MLXIPL: variants seen among roughly 807,000 people sequenced by gnomAD.
MLXIPL encodes the protein MLX interacting protein like.
A neutral mutation model predicts 81.5 loss-of-function variants in MLXIPL; 49 were observed. The observed-to-expected ratio is 0.60, with a 90% CI of 0.48 to 0.76. The LOEUF is 0.76. Among genes scored for constraint, MLXIPL ranks in the 30% least tolerant of loss-of-function variants. The pLI is 0.00. For missense variants in MLXIPL, 1,053 were observed against 1,167.0 expected (o/e 0.90, Z 1.42); for synonymous variants, 466 against 485.5 (o/e 0.96, Z 0.53).
At chr7:73,642,987 C>T in the MLXIPL span, among the ~76,000 whole-genome samples, 1 of 152,216 alleles carries the variant, frequency 6.6e-6, no homozygotes, top group Admixed American at 6.6e-5. Context: ...CTCTTAATAG[C>T]TTTCAAAAGA....
intron 1 of MLXIPL, among the ~76,000 whole-genome samples, chr7:73,621,841 A>C (rs1482686862): frequency 1.0e-3 from 28 of 26,942 alleles, no homozygotes; most frequent in Admixed American, 1.9e-3. Flanking sequence ...CCCTCCCTCC[A>C]TCTCCCTCCC....
At chr7:73,613,673 G>A (rs1554600228) in intron 2 of MLXIPL, among the ~76,000 whole-genome samples, 1 of 152,202 alleles carries the variant, frequency 6.6e-6, no homozygotes, top group African/African-American at 2.4e-5. Context: ...GACTCCGGGA[G>A]GCTAGAGAAT....
chr7:73,597,786 C>T (rs1794474233), intron 8 of MLXIPL, 73 bp from the exon 9 acceptor site: 2 of 1,182,602 alleles, frequency 1.7e-6, no homozygotes, highest in Non-Finnish European at 1.1e-6. Context: ...TGGGCCTCCC[C>T]TGCCCTGCCT....
intron 2 of MLXIPL, among the ~76,000 whole-genome samples, chr7:73,614,933 G>C (rs1034262550): frequency 6.6e-6 from 1 of 150,836 alleles, no homozygotes; most frequent in African/African-American, 2.4e-5. Flanking sequence ...GCCTCAGCCT[G>C]CCGAGTAGCT....
At chr7:73,594,116 A>G in intron 16 of MLXIPL, 133 bp from the exon 17 acceptor site, 3 of 1,388,112 alleles carry the variant, frequency 2.2e-6, no homozygotes, top group Non-Finnish European at 3.0e-6. Context: ...CTCTGTCTAC[A>G]GGCGTCTGGT....
intron 3 of MLXIPL, 51 bp downstream of exon 3, chr7:73,607,539 T>G: frequency 6.3e-7 from 1 of 1,597,432 alleles, no homozygotes; most frequent in Non-Finnish European, 8.6e-7. Context: ...GGGGCTGGTC[T>G]TGGTGGGTGG....
chr7:73,633,597 G>A, the MLXIPL span, among the ~76,000 whole-genome samples: 2 of 152,116 alleles, frequency 1.3e-5, no homozygotes, highest in Non-Finnish European at 2.9e-5. Flanking sequence ...GGGATTACAG[G>A]TGGGAGCCAC....
the MLXIPL span, among the ~76,000 whole-genome samples, chr7:73,645,258 C>A: frequency 6.6e-6 from 1 of 152,156 alleles, no homozygotes; most frequent in East Asian, 1.9e-4. Context: ...GAACTCCTGG[C>A]CTCAAGCAAC....
chr7:73,634,685 G>T, the MLXIPL span, among the ~76,000 whole-genome samples: 3 of 151,946 alleles, frequency 2.0e-5, no homozygotes, highest in African/African-American at 7.3e-5. Flanking sequence ...GTGAGCCACT[G>T]TGCCTGGCCA....
intron 1 of MLXIPL, 63 bp downstream of exon 1, chr7:73,624,137 C>T: frequency 7.2e-7 from 1 of 1,387,138 alleles, no homozygotes; most frequent in Non-Finnish European, 9.7e-7. Flanking sequence ...GCAGTCCTGC[C>T]CCGGACCCCC....
chr7:73,625,874 G>A (rs1264011796), upstream of MLXIPL, among the ~76,000 whole-genome samples: 9 of 152,198 alleles, frequency 5.9e-5, no homozygotes, highest in African/African-American at 2.2e-4. Flanking sequence ...TGGTAGGGAT[G>A]GGTGGCTCAC....
rs1554592710 is a variant in MLXIPL at position 73,593,883 on chromosome 7, G to C, written c.2541C>G (p.Thr847=). The change falls in exon 17 of 17, where the codon ACC becomes ACG. Residue 847 remains threonine, a synonymous_variant. Coordinates refer to ENST00000313375, the MANE Select transcript of MLXIPL (RefSeq NM_032951.3). ...GCCAGGACTATAAAGGTTTGCCAAG[G>C]GTGCCCTCTGTGACTGCCCGTGTGG... ...EQATRAVTEG[T]LGKPL 1 of 1,614,094 alleles carries C rather than the reference G, an allele frequency of 6.2e-7. No individual in the cohort carries two copies. The highest frequency in any genetic ancestry group is 2.2e-5 in the East Asian group (1 of 44,874).
At chr7:73,607,550 G>A in intron 3 of MLXIPL, 40 bp downstream of exon 3, 1 of 1,597,910 alleles carries the variant, frequency 6.3e-7, no homozygotes. Context: ...TGGTGGGTGG[G>A]CAGGTGGGCA....
intron 1 of MLXIPL, among the ~76,000 whole-genome samples, chr7:73,622,305 A>G (rs1284766490): frequency 6.6e-6 from 1 of 151,976 alleles, no homozygotes; most frequent in Admixed American, 6.6e-5. Context: ...AGCCTGGCCA[A>G]CATGGTGAAA....
At chr7:73,607,944 C>T (rs553963966) in intron 2 of MLXIPL, among the ~76,000 whole-genome samples, 1 of 148,768 alleles carries the variant, frequency 6.7e-6, no homozygotes, top group African/African-American at 2.5e-5. Flanking sequence ...GCAACCTCCA[C>T]CTCCTGGGTT....
rs1554598139 is a variant in MLXIPL, at chr7:73,606,403, T to TTG, written c.619-293_619-292insCA. The TTG allele has an allele frequency of 6.5e-3, 3,293 of 503,768 alleles. 99 individuals are homozygous for TTG. The highest frequency in any genetic ancestry group is 0.06 in the African/African-American group (3,040 of 50,818). 31.2% of individuals were successfully genotyped at this position (503,768 alleles called of 1,614,324 possible). ...GTTCTTTGGTCCCTCTGGTTTTTTT[T>TTG]TTTGTTTGTTTTCTTTTTCTTTTTC... On this transcript the variant is annotated intron_variant, in intron 5 of 16. Coordinates refer to ENST00000313375, the MANE Select transcript of MLXIPL (RefSeq NM_032951.3).
At position 73,617,382 on chromosome 7, in the gene MLXIPL, C is replaced by T. The variant is rs948874819; in HGVS notation, c.294-1205G>A. On this transcript the variant is annotated intron_variant, in intron 1 of 16. Transcript: ENST00000313375. Reference sequence around the variant, plus strand: ...CATGGTACAGTCCTTTTGGTGTCTGCCATGCCCAGAATCCCAGGGTGGCAA... The same window carrying T: ...CATGGTACAGTCCTTTTGGTGTCTGTCATGCCCAGAATCCCAGGGTGGCAA... 2.0e-5 allele frequency among the ~76,000 whole-genome samples: 3 copies of T among 152,072 alleles called. 1 individual carries two copies. The highest frequency in any genetic ancestry group is 4.4e-5 in the Non-Finnish European group (3 of 68,022).
rs1794368481 is a variant in MLXIPL at position 73,596,872 on chromosome 7, C to T, written c.1664G>A (p.Gly555Glu). Residue 555 changes from glycine to glutamate, a missense_variant, in exon 10 of 17, where the codon GGG (glycine) becomes GAG (glutamate). Coordinates refer to ENST00000313375, the MANE Select transcript of MLXIPL (RefSeq NM_032951.3). This position sits in a 1 kb window ranked among gnomAD's most constrained non-coding sequence, Gnocchi z 4.7. Reference sequence around the variant, plus strand: ...CAGTGCCCGAGATCTTACCGGGGACCCTGGGGACCGGAGGAGGGTGCTGGA... The same window carrying T: ...CAGTGCCCGAGATCTTACCGGGGACTCTGGGGACCGGAGGAGGGTGCTGGA... ...LVSSTLLRSP[G>E]SPQETVPEFP... The T allele has an allele frequency of 1.2e-6, 2 of 1,611,418 alleles. No homozygotes were observed. Among genetic ancestry groups the T allele is most frequent in the Admixed American group, 3.3e-5 (2 of 59,810 alleles).
chr7:73,620,672 G>A (rs187915012), intron 1 of MLXIPL, among the ~76,000 whole-genome samples: 1 of 151,954 alleles, frequency 6.6e-6, no homozygotes, highest in African/African-American at 2.4e-5. Context: ...AACCCGTTGG[G>A]TGGAGGTTGC....
Sources: allele counts gnomAD v4.1 joint callset (sites outside exome capture counted in the v4.1 genomes callset), GRCh38; gene constraint gnomAD v4.1.1; non-coding constraint Gnocchi (gnomAD v3.1); transcripts MANE v1.5; gene names NCBI Gene and HGNC (gene_info 2026-07-23, HGNC 2026-07-21).